Variants in MTREX observed in about 807,000 individuals in gnomAD.
MTREX encodes the protein exosome RNA helicase MTR4.
Under a neutral mutation model 135.4 loss-of-function variants are expected in MTREX, and 76 were observed. The ratio of observed to expected loss-of-function variants is 0.56; its 90% CI spans 0.47 to 0.68. MTREX has a LOEUF of 0.68. Ranked by LOEUF, MTREX falls within the 30% of genes least tolerant of loss-of-function variation. The pLI is 0.00. For missense variants in MTREX, 920 were observed against 1,262.1 expected, an observed-to-expected ratio of 0.73 and a Z score of 4.11; for synonymous variants, 404 against 401.6, an observed-to-expected ratio of 1.01 and a Z score of -0.07.
At chr5:55,324,288 A>G (rs1749334743) in intron 3 of MTREX, 90 bp downstream of exon 3, 8 of 837,984 alleles carry the variant, frequency 9.5e-6, no homozygotes, top group Non-Finnish European at 1.5e-5. Flanking sequence ...CAGTTTAGCC[A>G]TGAGGACCTT....
intron 23 of MTREX, among the ~76,000 whole-genome samples, chr5:55,411,730 A>G (rs181253070): frequency 2.2e-4 from 34 of 152,320 alleles, no homozygotes; most frequent in African/African-American, 7.9e-4. Flanking sequence ...TGAAATATGC[A>G]TACAAAAGGA....
rs1401865090 is a variant in MTREX, at chr5:55,425,550, T to C, written c.*778T>C. 2.1e-6 allele frequency: 1 copy of C among 483,816 alleles called. No individual in the cohort carries two copies. Among genetic ancestry groups the C allele is most frequent in the African/African-American group, 2.0e-5 (1 of 49,808 alleles). The allele number at this position is 483,816 out of a possible 1,614,324, so 30.0% of individuals were successfully genotyped here. A position where few individuals can be genotyped will look rare whatever the true frequency, so the allele number is the denominator to read the frequency against. ...ATGCCTTCAGCAAATAGCTTCATTT[T>C]GCCAATACTGAATAAAAGAGTTATT... On this transcript the variant is annotated 3_prime_UTR_variant, in exon 27 of 27. Transcript: ENST00000230640.
intron 5 of MTREX, among the ~76,000 whole-genome samples, chr5:55,336,505 T>C (rs1409400788): frequency 6.6e-6 from 1 of 152,244 alleles, no homozygotes; most frequent in African/African-American, 2.4e-5. Flanking sequence ...TATTAGCTTT[T>C]TATTCTCTTA....
intron 23 of MTREX, 117 bp from the exon 24 acceptor site, chr5:55,414,065 G>T (rs1750927785): frequency 1.5e-6 from 1 of 646,844 alleles, no homozygotes; most frequent in Non-Finnish European, 2.5e-6. Flanking sequence ...GATGACTAAG[G>T]TCTTATAATT....
At chr5:55,360,806 T>G (rs1749995080) in intron 15 of MTREX, among the ~76,000 whole-genome samples, 1 of 152,184 alleles carries the variant, frequency 6.6e-6, no homozygotes, top group Non-Finnish European at 1.5e-5. Context: ...TTACTATCAT[T>G]AAGGAATTTA....
At chr5:55,343,572 A>C (rs1749685760) in intron 8 of MTREX, 117 bp downstream of exon 8, 2 of 844,790 alleles carry the variant, frequency 2.4e-6, no homozygotes, top group African/African-American at 3.4e-5. Flanking sequence ...AAAACATTTT[A>C]ATGGTAAACT....
intron 22 of MTREX, among the ~76,000 whole-genome samples, chr5:55,408,818 G>A (rs1383281627): frequency 6.6e-6 from 1 of 152,086 alleles, no homozygotes; most frequent in Non-Finnish European, 1.5e-5. Context: ...GGGACAAAAA[G>A]CACTGTAGTC....
At chr5:55,309,765 C>T (rs1346516673) in intron 1 of MTREX, among the ~76,000 whole-genome samples, 1 of 151,968 alleles carries the variant, frequency 6.6e-6, no homozygotes, top group Non-Finnish European at 1.5e-5. Flanking sequence ...AATTGGTCTC[C>T]TTGAGATAGA....
intron 23 of MTREX, among the ~76,000 whole-genome samples, chr5:55,413,426 T>C (rs1465046506): frequency 2.7e-5 from 1 of 37,242 alleles, no homozygotes; most frequent in Non-Finnish European, 8.2e-5. Flanking sequence ...TTTATTTTTG[T>C]ACAGTACCTT....
chr5:55,392,378 T>C (rs1355339899), intron 19 of MTREX, among the ~76,000 whole-genome samples: 1 of 151,940 alleles, frequency 6.6e-6, no homozygotes, highest in Non-Finnish European at 1.5e-5. Flanking sequence ...AACCCATCTG[T>C]ACTAAAAATA....
At chr5:55,418,344 G>A (rs1017148044) in intron 25 of MTREX, among the ~76,000 whole-genome samples, 2 of 149,346 alleles carry the variant, frequency 1.3e-5, no homozygotes, top group Non-Finnish European at 3.0e-5. Context: ...TTGTCTTTAT[G>A]GATTATTTTT....
rs1749001493 is a variant in MTREX, at chr5:55,308,212, T to C, written c.134+65T>C. 8.0e-6 allele frequency: 12 copies of C among 1,501,920 alleles called. No homozygotes were observed. In the South Asian group the frequency reaches 1.5e-4, roughly 18 times the overall value. 93.0% of individuals were successfully genotyped at this position (1,501,920 alleles called of 1,614,324 possible). A position where few individuals can be genotyped will look rare whatever the true frequency, so the allele number is the denominator to read the frequency against. On this transcript the variant is annotated intron_variant, in intron 1 of 26. Transcript: ENST00000230640. ...TCGGTGGGGAGGAAGAAAACACTAC[T>C]CTCTTAGGAAGAGCACGAGAAAGTG...
chr5:55,408,078 T>G (rs10076328), intron 22 of MTREX, among the ~76,000 whole-genome samples: 2,081 of 152,250 alleles, frequency 0.014, 47 homozygotes, highest in African/African-American at 0.047. Context: ...TGTGCCATTC[T>G]ATTTGGTAAA....
intron 15 of MTREX, among the ~76,000 whole-genome samples, chr5:55,365,700 A>G (rs990806763): frequency 2.0e-5 from 3 of 152,226 alleles, no homozygotes; most frequent in African/African-American, 7.2e-5. Flanking sequence ...TTTTATTAAA[A>G]TATACTTCTG....
At chr5:55,346,395 G>A (rs188226265) in intron 10 of MTREX, among the ~76,000 whole-genome samples, 2 of 152,264 alleles carry the variant, frequency 1.3e-5, no homozygotes, top group African/African-American at 4.8e-5. Flanking sequence ...GCTAGGTAAT[G>A]GGTAAATGAA....
chr5:55,362,574 T>C (rs1005398675), intron 15 of MTREX, among the ~76,000 whole-genome samples: 5 of 151,844 alleles, frequency 3.3e-5, no homozygotes, highest in African/African-American at 1.2e-4. Context: ...TTAGCCAGGC[T>C]GGTCTTGAAC....
chr5:55,311,869 G>A (rs1749118646), intron 1 of MTREX, among the ~76,000 whole-genome samples: 1 of 151,962 alleles, frequency 6.6e-6, no homozygotes, highest in Admixed American at 6.6e-5. Context: ...TTTTAAATGT[G>A]GTTATTAGAA....
intron 22 of MTREX, among the ~76,000 whole-genome samples, chr5:55,405,874 A>G (rs1456389185): frequency 6.6e-6 from 1 of 152,218 alleles, no homozygotes; most frequent in East Asian, 1.9e-4. Flanking sequence ...CTTAGATCTC[A>G]GTAATTAACA....
At chr5:55,318,056 A>G (rs1749226884) in intron 1 of MTREX, among the ~76,000 whole-genome samples, 1 of 152,236 alleles carries the variant, frequency 6.6e-6, no homozygotes, top group Middle Eastern at 3.2e-3. Flanking sequence ...TTGCAAATCA[A>G]AACCACAAAT....
Sources: allele counts gnomAD v4.1 joint callset (sites outside exome capture counted in the v4.1 genomes callset), GRCh38; gene constraint gnomAD v4.1.1; transcripts MANE v1.5; gene names NCBI Gene and HGNC (gene_info 2026-07-23, HGNC 2026-07-21).